The following FRMPD4 variants were observed in gnomAD, a reference collection of about 807,000 sequenced individuals.
The protein encoded by FRMPD4 is FERM and PDZ domain-containing protein 4.
Under a neutral mutation model 94.1 loss-of-function variants are expected in FRMPD4, and 22 were observed. The ratio of observed to expected loss-of-function variants is 0.23; its 90% CI spans 0.17 to 0.33. The LOEUF is 0.33. FRMPD4 is among the 10% of genes least tolerant of loss of function. FRMPD4 has a pLI of 1.00. For synonymous variants in FRMPD4, 631 were observed against 548.6 expected (o/e 1.15, Z -2.10); for missense variants, 1,111 against 1,339.9 (o/e 0.83, Z 2.67).
At chrX:12,222,054 C>T (rs1202018229) in intron 1 of FRMPD4, among the ~76,000 whole-genome samples, 1 of 111,588 alleles carries the variant, frequency 9.0e-6, no homozygotes, top group Non-Finnish European at 1.9e-5. Context: ...ATATTAAGGC[C>T]AGGTGTGGTG....
At chrX:12,346,980 T>G (rs1207112542) in intron 1 of FRMPD4, among the ~76,000 whole-genome samples, 1 of 111,627 alleles carries the variant, frequency 9.0e-6, no homozygotes, top group Non-Finnish European at 1.9e-5. Flanking sequence ...TGTATAATTC[T>G]CTTTTTGTGC....
upstream of FRMPD4, among the ~76,000 whole-genome samples, chrX:12,133,797 C>T (rs1253965695): frequency 9.0e-6 from 1 of 111,486 alleles, no homozygotes; most frequent in Non-Finnish European, 1.9e-5. Flanking sequence ...TCAGTAGTTT[C>T]CCTGCCCTCA....
At chrX:12,051,441 T>C (rs2054818211) in intron 3 of FRMPD4, among the ~76,000 whole-genome samples, 1 of 111,801 alleles carries the variant, frequency 8.9e-6, no homozygotes, top group African/African-American at 3.2e-5. Context: ...GGTAGTAAGA[T>C]AATTTTTAAT....
intron 3 of FRMPD4, among the ~76,000 whole-genome samples, chrX:11,902,143 C>A (rs761714698): frequency 8.9e-6 from 1 of 112,774 alleles, no homozygotes; most frequent in East Asian, 2.8e-4. Context: ...CAGGAACTGA[C>A]TTTAATGCTT....
intron 2 of FRMPD4, among the ~76,000 whole-genome samples, chrX:12,529,406 C>T (rs371236758): frequency 8.9e-5 from 10 of 112,597 alleles, no homozygotes; most frequent in African/African-American, 2.9e-4. Flanking sequence ...GATATCTCCC[C>T]AATGTTGCCA....
At chrX:12,368,342 A>G (rs1018371523) in intron 1 of FRMPD4, among the ~76,000 whole-genome samples, 17 of 112,470 alleles carry the variant, frequency 1.5e-4, no homozygotes, top group Non-Finnish European at 3.2e-4. Flanking sequence ...GGAGGAAGAA[A>G]GAGACTGAAT....
At chrX:12,715,999 C>CCGGGGGGG in intron 14 of FRMPD4, 70 bp from the exon 15 acceptor site, 1 of 337,361 alleles carries the variant, frequency 3.0e-6, no homozygotes, top group Non-Finnish European at 5.4e-6. Context: ...CAGAGACGAG[C>CCGGGGGGG]CTCCCACCCC....
At chrX:11,846,831 G>A (rs1192254509) in intron 1 of FRMPD4, among the ~76,000 whole-genome samples, 3 of 110,920 alleles carry the variant, frequency 2.7e-5, no homozygotes, top group African/African-American at 9.8e-5. Flanking sequence ...TAGCCATATG[G>A]AGAAAGCTAA....
chrX:11,884,591 A>G (rs983989948), intron 3 of FRMPD4, among the ~76,000 whole-genome samples: 24 of 111,559 alleles, frequency 2.2e-4, no homozygotes, highest in African/African-American at 7.5e-4. Flanking sequence ...ACACACATAT[A>G]CATATACACA....
At chrX:12,025,470 A>T (rs2054654851) in intron 3 of FRMPD4, among the ~76,000 whole-genome samples, 1 of 111,541 alleles carries the variant, frequency 9.0e-6, no homozygotes, top group Non-Finnish European at 1.9e-5. Context: ...GCCCTCAACA[A>T]GCTGGCCTCC....
At chrX:12,194,461 A>G (rs1330002496) in intron 1 of FRMPD4, among the ~76,000 whole-genome samples, 3 of 110,098 alleles carry the variant, frequency 2.7e-5, no homozygotes, top group Admixed American at 1.9e-4. Flanking sequence ...GAAGTATAAA[A>G]TCTTTCATGT....
chrX:12,110,217 C>T (rs990805694), intron 3 of FRMPD4, among the ~76,000 whole-genome samples: 2 of 112,080 alleles, frequency 1.8e-5, no homozygotes, highest in East Asian at 2.8e-4. Flanking sequence ...AAAGCTTATC[C>T]ACCATGATCA....
At chrX:12,680,176 G>C (rs1424490903) in intron 5 of FRMPD4, among the ~76,000 whole-genome samples, 4 of 112,037 alleles carry the variant, frequency 3.6e-5, no homozygotes, top group Non-Finnish European at 7.5e-5. Context: ...ACACACTATT[G>C]TGGCCATCTT....
chrX:12,682,417 T>TA (rs770651980), intron 5 of FRMPD4, among the ~76,000 whole-genome samples: 3 of 112,383 alleles, frequency 2.7e-5, no homozygotes, highest in Non-Finnish European at 3.8e-5. Flanking sequence ...CTCTATGTCT[T>TA]AAGACTACAT....
At chrX:11,963,609 G>T (rs12216946) in intron 3 of FRMPD4, among the ~76,000 whole-genome samples, 1,339 of 112,507 alleles carry the variant, frequency 0.012, 5 homozygotes, top group Non-Finnish European at 0.016. Context: ...CAGCAAGTGA[G>T]ATGAAACTGA....
At chrX:12,294,808 G>A (rs776999310) in intron 1 of FRMPD4, among the ~76,000 whole-genome samples, 5 of 110,985 alleles carry the variant, frequency 4.5e-5, no homozygotes, top group Non-Finnish European at 9.4e-5. Context: ...CAGAAGGCTG[G>A]GCGATAGCGC....
chrX:11,852,573 T>A (rs1319985798), intron 1 of FRMPD4, among the ~76,000 whole-genome samples: 1 of 111,817 alleles, frequency 8.9e-6, no homozygotes, highest in Non-Finnish European at 1.9e-5. Flanking sequence ...CTGTGTGTAC[T>A]TTAAAAGAAT....
At chrX:12,717,275 G>C (rs2042109090) in intron 15 of FRMPD4, 142 bp downstream of exon 15, 1 of 465,875 alleles carries the variant, frequency 2.1e-6, no homozygotes, top group African/African-American at 2.4e-5. Context: ...CTGCCATCAT[G>C]GGTTTTTTTG....
Position 12,720,872 on chromosome X carries a change from G to A in FRMPD4, c.4303G>A (p.Ala1435Thr). 1 of 856,246 alleles carries A rather than the reference G, an allele frequency of 1.2e-6. No individual in the cohort carries two copies. Among genetic ancestry groups the A allele is most frequent in the Non-Finnish European group, 1.4e-6 (1 of 703,248 alleles). The allele number at this position is 856,246 out of a possible 1,213,427, so 70.6% of individuals were successfully genotyped here. ...VSLKCPGITE[A>T]QEASSERRAE... is the part of the protein sequence containing the mutation. ...CTTAAAGTGTCCAGGCATCACAGAA[G>A]CACAGGAGGCCAGTTCTGAAAGGCG... Residue 1435 changes from alanine to threonine, a missense_variant, in exon 17 of 17, where the codon GCA becomes ACA. Ala to Thr is a moderately conservative substitution (Grantham distance 58). Transcript: ENST00000675598.
Sources: allele counts gnomAD v4.1 joint callset (sites outside exome capture counted in the v4.1 genomes callset), GRCh38; gene constraint gnomAD v4.1.1; transcripts MANE v1.5; gene names NCBI Gene and HGNC (gene_info 2026-07-23, HGNC 2026-07-21).